The following SLF1 variants were observed in gnomAD, a reference collection of about 807,000 sequenced individuals.
SLF1 encodes SMC5/6 complex localization factor 1, also known as SMC5-SMC6 complex localization factor protein 1.
A neutral mutation model predicts 123.0 loss-of-function variants in SLF1; 105 were observed. The ratio of observed to expected loss-of-function variants is 0.85; its 90% CI spans 0.73 to 1.00. The LOEUF (loss-of-function observed/expected upper bound fraction) is 1.00. SLF1 is among the 50% of genes least tolerant of loss of function. The pLI, the probability that SLF1 is intolerant of heterozygous loss-of-function variation, is 0.00. For missense variants in SLF1, 1,239 were observed against 1,223.0 expected (o/e 1.01, Z -0.20); for synonymous variants, 434 against 406.6 (o/e 1.07, Z -0.81).
intron 9 of SLF1, among the ~76,000 whole-genome samples, chr5:94,656,453 T>C (rs1370097692): frequency 6.6e-6 from 1 of 152,030 alleles, no homozygotes; most frequent in Non-Finnish European, 1.5e-5. Flanking sequence ...GTAGTTTTCT[T>C]TTTGTGTTGT....
rs35649653 is a variant in SLF1, at chr5:94,673,691, T to TA, written c.1827+2707dup. Among the ~76,000 whole-genome samples, 752 of 119,690 alleles carry TA rather than the reference T, an allele frequency of 6.3e-3. 4 individuals carry two copies. The highest frequency in any genetic ancestry group is 7.5e-3 in the African/African-American group (233 of 31,146). 78.5% of individuals were successfully genotyped at this position (119,690 alleles called of 152,430 possible). On this transcript the variant is annotated intron_variant, in intron 14 of 20. Coordinates refer to ENST00000265140, the MANE Select transcript of SLF1 (RefSeq NM_032290.4). Reference sequence around the variant, plus strand: ...GGTGACAGAGTGAGACCTTGTCTCTTAAAAAAAAAAAAAAAAAAAAAAAAT... The same window carrying TA: ...GGTGACAGAGTGAGACCTTGTCTCTTAAAAAAAAAAAAAAAAAAAAAAAAAT...
chr5:94,668,080 TCTCTC>T (rs886332760), intron 12 of SLF1, among the ~76,000 whole-genome samples: 4 of 151,782 alleles, frequency 2.6e-5, no homozygotes, highest in African/African-American at 9.7e-5. Flanking sequence ...TCTTCTCTCC[TCTCTC>T]CTCTCCTCTC....
chr5:94,665,323 C>G (rs1271510023), intron 11 of SLF1, among the ~76,000 whole-genome samples: 1 of 152,156 alleles, frequency 6.6e-6, no homozygotes, highest in African/African-American at 2.4e-5. Context: ...TGGACCCATG[C>G]AGTTAAAACC....
chr5:94,655,202 C>T (rs10062402), intron 9 of SLF1, among the ~76,000 whole-genome samples: 83,712 of 152,054 alleles, frequency 0.55, 23,369 homozygotes, highest in African/African-American at 0.65. Flanking sequence ...TCCTTTCCCC[C>T]GTGAGTGTTC....
At chr5:94,685,067 C>A (rs1033839606) in intron 15 of SLF1, among the ~76,000 whole-genome samples, 1 of 152,218 alleles carries the variant, frequency 6.6e-6, no homozygotes, top group African/African-American at 2.4e-5. Flanking sequence ...AGCAAATCCT[C>A]TTTTACTTCT....
chr5:94,653,404 A>T lies in SLF1; in HGVS notation c.1015A>T (p.Ile339Leu). The T allele has an allele frequency of 6.6e-7, 1 of 1,519,988 alleles. No homozygotes were observed. The allele number at this position is 1,519,988 out of a possible 1,614,324, so 94.2% of individuals were successfully genotyped here. The change falls in exon 8 of 21, where the codon ATA becomes TTA. Residue 339 changes from isoleucine (I) to leucine (L), a missense_variant. Coordinates refer to ENST00000265140, the MANE Select transcript of SLF1 (RefSeq NM_032290.4). ...AATAAAAAGTACCTTAAGAAGGCAC[A>T]TATATAATAGAGATCAGGTAAAGTT... The part of the protein sequence containing the change: ...EKIKSTLRRH[I>L]YNRDQKEMKN...
rs183974239 is a variant in SLF1 at position 94,690,359 on chromosome 5, A to T, written c.2419+753A>T. On this transcript the variant is annotated intron_variant, in intron 18 of 20. Transcript: ENST00000265140. ...TGAAGCACTTATATTTCAATGTGATATAAGTTCATAATTGCATATTACAGA... is the reference window on the plus strand; with the variant it reads ...TGAAGCACTTATATTTCAATGTGATTTAAGTTCATAATTGCATATTACAGA... 6.6e-5 allele frequency among the ~76,000 whole-genome samples: 10 copies of T among 152,336 alleles called. No individual in the cohort carries two copies. In the East Asian group the frequency reaches 1.9e-3, roughly 29 times the overall value.
Position 94,643,430 on chromosome 5 carries a change from T to C in SLF1, c.589T>C (p.Leu197=), listed in dbSNP as rs1162530131. 3 of 1,453,248 alleles carry C rather than the reference T, an allele frequency of 2.1e-6. No homozygotes were observed. The highest frequency in any genetic ancestry group is 5.1e-5 in the East Asian group (2 of 38,984). 90.0% of individuals were successfully genotyped at this position (1,453,248 alleles called of 1,614,324 possible). A position where few individuals can be genotyped will look rare whatever the true frequency, so the allele number is the denominator to read the frequency against. ...YPIQYLGDFL[L]EKEIQNDEDS... ...AATTCAGTATCTAGGGGATTTTCTT[T>C]TAGAGGTAAGTAAAATAAATAGTAA... The change falls in exon 5 of 21, where the codon TTA becomes CTA. Residue 197 remains leucine (L), a synonymous_variant. Coordinates refer to ENST00000265140, the MANE Select transcript of SLF1 (RefSeq NM_032290.4).
intron 1 of SLF1, among the ~76,000 whole-genome samples, chr5:94,627,886 A>T (rs1416460880): frequency 6.6e-6 from 1 of 150,618 alleles, no homozygotes; most frequent in African/African-American, 2.4e-5. Flanking sequence ...CTGGAGTGCA[A>T]TCGCGTGATC....
chr5:94,652,202 G>A (rs1402498672), intron 7 of SLF1, among the ~76,000 whole-genome samples: 1 of 151,742 alleles, frequency 6.6e-6, no homozygotes, highest in Non-Finnish European at 1.5e-5. Context: ...GTAGAGACTG[G>A]GTTTCACCAT....
At position 94,695,001 on chromosome 5, in the gene SLF1, T is replaced by C; in HGVS notation, c.2866T>C (p.Ser956Pro). The C allele has an allele frequency of 6.2e-7, 1 of 1,612,450 alleles. No homozygotes were observed. The highest frequency in any genetic ancestry group is 8.5e-7 in the Non-Finnish European group (1 of 1,179,122). Residue 956 changes from serine to proline, a missense_variant, in exon 21 of 21, where the codon TCC becomes CCC. Ser to Pro is a moderately conservative substitution (Grantham distance 74, BLOSUM62 -1). Transcript: ENST00000265140. ...TCATTACCAGCAACTTGAATTTGGC[T>C]CCTTTTTACTTAGTAGGATGTTGCT... ...HFHYQQLEFG[S>P]FLLSRMLLNF...
chr5:94,635,764 C>A (rs1745700266), intron 4 of SLF1, among the ~76,000 whole-genome samples: 1 of 152,112 alleles, frequency 6.6e-6, no homozygotes, highest in Non-Finnish European at 1.5e-5. Context: ...TATCCCCTGA[C>A]AATTGTAGCT....
chr5:94,665,975 T>C lies in SLF1; in HGVS notation c.1483T>C (p.Cys495Arg), dbSNP rs1250322217. ...MSRYYLELFQ[C>R]PTCMKGAWSL... ...GAGATATTATTTAGAGTTGTTTCAG[T>C]GTCCAACTTGTATGAAAGGAGCATG... Residue 495 changes from cysteine (C) to arginine (R), a missense_variant, in exon 12 of 21, where the codon TGT becomes CGT. Transcript: ENST00000265140. 6.4e-7 allele frequency: 1 copy of C among 1,551,430 alleles called. No homozygotes were observed. The highest frequency in any genetic ancestry group is 2.0e-5 in the Admixed American group (1 of 51,012).
rs775104883 is a variant in SLF1 at position 94,694,878 on chromosome 5, G to T, written c.2743G>T (p.Asp915Tyr). 3.1e-6 allele frequency: 5 copies of T among 1,606,802 alleles called. No homozygotes were observed. Among genetic ancestry groups the T allele is most frequent in the Non-Finnish European group, 4.2e-6 (5 of 1,177,290 alleles). ...QRNAKGELPL[D>Y]YVVSPQIKEE... ...GAATGCTAAGGGAGAATTGCCCTTG[G>T]ATTATGTGGTTTCACCTCAAATCAA... The change falls in exon 21 of 21, where the codon GAT becomes TAT. Residue 915 changes from aspartate to tyrosine, a missense_variant. By Grantham distance (160) the Asp-to-Tyr change is radical (BLOSUM62 -3). Transcript: ENST00000265140.
intron 5 of SLF1, 58 bp downstream of exon 5, chr5:94,643,493 A>G (rs1294283515): frequency 6.0e-6 from 7 of 1,166,366 alleles, no homozygotes; most frequent in Non-Finnish European, 8.0e-6. Flanking sequence ...TTTATAAAAT[A>G]CCAACATAGT....
intron 19 of SLF1, among the ~76,000 whole-genome samples, 171 bp from the exon 20 acceptor site, chr5:94,691,903 T>G (rs1012015348): frequency 6.6e-6 from 1 of 152,184 alleles, no homozygotes; most frequent in Non-Finnish European, 1.5e-5. Context: ...GTTTTTATTT[T>G]AATTTTTTAA....
intron 3 of SLF1, among the ~76,000 whole-genome samples, chr5:94,629,925 A>C (rs1745021126): frequency 6.6e-6 from 1 of 152,192 alleles, no homozygotes; most frequent in African/African-American, 2.4e-5. Context: ...CAAAAGGATC[A>C]CTTGTGCCAA....
chr5:94,650,401 C>T (rs1469235777), intron 6 of SLF1, among the ~76,000 whole-genome samples: 3 of 143,036 alleles, frequency 2.1e-5, no homozygotes, highest in South Asian at 2.2e-4. Context: ...CTTGCTGTTT[C>T]GCCCAGGCTG....
At chr5:94,649,386 C>A (rs1249909160) in intron 5 of SLF1, 68 bp from the exon 6 acceptor site, 1 of 1,264,448 alleles carries the variant, frequency 7.9e-7, no homozygotes, top group Admixed American at 2.9e-5. Flanking sequence ...AAGTTGAGTA[C>A]CATAAAACGT....
Sources: gnomAD v4.1 joint callset for allele counts (sites outside exome capture counted in the v4.1 genomes callset) on GRCh38, gnomAD v4.1.1 for gene constraint, MANE v1.5 for transcripts, NCBI Gene and HGNC (gene_info 2026-07-23, HGNC 2026-07-21) for gene names.